Variants in SPAG16 observed in about 807,000 individuals in gnomAD.
SPAG16 encodes sperm associated antigen 16, also known as sperm-associated antigen 16 protein.
In SPAG16, 86 loss-of-function variants were observed where a neutral mutation model predicts 80.4. The ratio of observed to expected loss-of-function variants is 1.07; its 90% confidence interval spans 0.90 to 1.28. The LOEUF (loss-of-function observed/expected upper bound fraction) is 1.28. SPAG16 is among the 50% of genes most tolerant of loss of function. The probability of loss-of-function intolerance (pLI) is 0.00; values close to 1 mark genes in which losing one functional copy is unlikely to be tolerated. For missense variants in SPAG16, 870 were observed against 765.3 expected (o/e 1.14, Z -1.61); for synonymous variants, 294 against 265.9 (o/e 1.11, Z -1.03).
chr2:214,118,820 T>C (rs2054075789), intron 14 of SPAG16, among the ~76,000 whole-genome samples: 1 of 145,354 alleles, frequency 6.9e-6, no homozygotes, highest in African/African-American at 2.4e-5. Flanking sequence ...TCTATCAAAA[T>C]ACTAATGACA....
At chr2:214,027,562 G>A (rs896324635) in intron 13 of SPAG16, among the ~76,000 whole-genome samples, 3 of 151,756 alleles carry the variant, frequency 2.0e-5, no homozygotes, top group East Asian at 1.9e-4. Context: ...TATTGATAAA[G>A]GATCTATAAG....
intron 15 of SPAG16, among the ~76,000 whole-genome samples, chr2:214,360,452 A>C (rs1699111537): frequency 6.6e-6 from 1 of 151,870 alleles, no homozygotes; most frequent in Non-Finnish European, 1.5e-5. Context: ...ATTTGAAATA[A>C]ATTTTGAAAG....
At chr2:214,311,061 C>T (rs546034961) in intron 15 of SPAG16, among the ~76,000 whole-genome samples, 3 of 152,246 alleles carry the variant, frequency 2.0e-5, no homozygotes, top group East Asian at 1.9e-4. Context: ...CAGCAGTGTA[C>T]GGGACAGTGG....
At chr2:213,638,206 C>A (rs976102942) in intron 10 of SPAG16, among the ~76,000 whole-genome samples, 3 of 151,904 alleles carry the variant, frequency 2.0e-5, no homozygotes, top group Non-Finnish European at 4.4e-5. Flanking sequence ...CTTTTTGTTT[C>A]ATTTATCTTT....
intron 10 of SPAG16, among the ~76,000 whole-genome samples, chr2:213,697,239 G>A (rs1289004461): frequency 6.6e-6 from 1 of 152,146 alleles, no homozygotes; most frequent in African/African-American, 2.4e-5. Context: ...GGTAGGGCTG[G>A]AGGCCACTAC....
intron 11 of SPAG16, among the ~76,000 whole-genome samples, chr2:213,920,643 G>A (rs1018515070): frequency 6.6e-6 from 1 of 152,190 alleles, no homozygotes; most frequent in Non-Finnish European, 1.5e-5. Flanking sequence ...CTACAAGCAG[G>A]CATGGCCAGG....
intron 15 of SPAG16, among the ~76,000 whole-genome samples, chr2:214,314,853 C>T (rs1386099789): frequency 6.6e-6 from 1 of 151,774 alleles, no homozygotes; most frequent in Non-Finnish European, 1.5e-5. Context: ...AAGAGTAACT[C>T]ATGCATGAGG....
chr2:214,073,692 G>A (rs1007436014), intron 13 of SPAG16, among the ~76,000 whole-genome samples: 1 of 152,146 alleles, frequency 6.6e-6, no homozygotes, highest in African/African-American at 2.4e-5. Context: ...AGAAAGACAA[G>A]TGATTCTAAA....
In SPAG16 at chr2:214,012,284, A is replaced by ATTTTTTT. The variant is rs1483720818; in HGVS notation, c.1401-1666_1401-1665insTTTTTTT. ...CATATATATATATATATATATATAT[A>ATTTTTTT]TATATTTTTTTTTTTTTTTTTTTTT... On this transcript the variant is annotated intron_variant, in intron 12 of 15. Transcript: ENST00000331683. 3.0e-3 allele frequency among the ~76,000 whole-genome samples: 162 copies of ATTTTTTT among 54,562 alleles called. 5 individuals are homozygous for ATTTTTTT. The highest frequency in any genetic ancestry group is 9.4e-3 in the African/African-American group (82 of 8,700). 35.8% of individuals were successfully genotyped at this position (54,562 alleles called of 152,430 possible). A position where few individuals can be genotyped will look rare whatever the true frequency, so the allele number is the denominator to read the frequency against.
intron 15 of SPAG16, among the ~76,000 whole-genome samples, chr2:214,201,971 G>A (rs1190511766): frequency 6.6e-6 from 1 of 151,982 alleles, no homozygotes; most frequent in Non-Finnish European, 1.5e-5. Flanking sequence ...TCAGCCTCCA[G>A]AGTAGCTGGG....
intron 10 of SPAG16, among the ~76,000 whole-genome samples, chr2:213,636,589 T>C (rs2062373667): frequency 6.6e-6 from 1 of 152,366 alleles, no homozygotes; most frequent in South Asian, 2.1e-4. Context: ...TCCATGAGCA[T>C]GGGATGTGTA....
intron 10 of SPAG16, among the ~76,000 whole-genome samples, chr2:213,621,174 G>T (rs1022110993): frequency 6.6e-6 from 1 of 152,024 alleles, no homozygotes; most frequent in East Asian, 1.9e-4. Flanking sequence ...AAAGAACTTA[G>T]ATTTTATTAT....
intron 9 of SPAG16, among the ~76,000 whole-genome samples, chr2:213,430,456 G>T (rs1324902491): frequency 1.3e-5 from 2 of 152,124 alleles, no homozygotes; most frequent in East Asian, 3.8e-4. Context: ...AAAACATTAT[G>T]AGATTTTTTT....
At chr2:214,027,359 A>G (rs1274996330) in intron 13 of SPAG16, among the ~76,000 whole-genome samples, 1 of 151,650 alleles carries the variant, frequency 6.6e-6, no homozygotes, top group Non-Finnish European at 1.5e-5. Context: ...ATTATAGTTA[A>G]TGATATAGAT....
intron 10 of SPAG16, among the ~76,000 whole-genome samples, chr2:213,759,956 A>G (rs909435922): frequency 2.6e-5 from 4 of 151,948 alleles, no homozygotes; most frequent in Non-Finnish European, 5.9e-5. Flanking sequence ...AATCACTTGA[A>G]CCCAGGAGGC....
intron 10 of SPAG16, among the ~76,000 whole-genome samples, chr2:213,633,939 G>A (rs1401214463): frequency 6.6e-6 from 1 of 151,894 alleles, no homozygotes; most frequent in Non-Finnish European, 1.5e-5. Context: ...GTGTTTCTTA[G>A]GAATAGATCC....
chr2:213,879,723 G>T (rs1261571747), intron 11 of SPAG16, among the ~76,000 whole-genome samples: 1 of 152,046 alleles, frequency 6.6e-6, no homozygotes, highest in Admixed American at 6.6e-5. Flanking sequence ...TTATAAGTGA[G>T]AATGTGTGGT....
chr2:214,346,257 G>C (rs890091976), intron 15 of SPAG16, among the ~76,000 whole-genome samples: 1 of 151,636 alleles, frequency 6.6e-6, no homozygotes, highest in Admixed American at 6.6e-5. Flanking sequence ...ATGTTCATTT[G>C]TAAATTCTAA....
chr2:214,006,303 T>G (rs1037994727), intron 12 of SPAG16, among the ~76,000 whole-genome samples: 1 of 152,210 alleles, frequency 6.6e-6, no homozygotes, highest in Non-Finnish European at 1.5e-5. Flanking sequence ...CCCTAAAATT[T>G]AATGTTTCAC....
Sources: allele counts gnomAD v4.1 joint callset (sites outside exome capture counted in the v4.1 genomes callset), GRCh38; gene constraint gnomAD v4.1.1; transcripts MANE v1.5; gene names NCBI Gene and HGNC (gene_info 2026-07-23, HGNC 2026-07-21).